Variants in USP54 observed in about 807,000 individuals in gnomAD.
USP54 encodes the protein ubiquitin specific peptidase 54.
A neutral mutation model predicts 170.5 loss-of-function variants in USP54; 87 were observed. The ratio of observed to expected loss-of-function variants is 0.51; its 90% CI spans 0.43 to 0.61. The LOEUF (loss-of-function observed/expected upper bound fraction) is 0.61, where lower values mean the gene tolerates loss of function less well. Ranked by LOEUF, USP54 falls within the 20% of genes least tolerant of loss-of-function variation. USP54 has a pLI of 0.00. For missense variants in USP54, 1,786 were observed against 2,047.8 expected, an observed-to-expected ratio of 0.87 and a Z score of 2.47; for synonymous variants, 655 against 742.8, an observed-to-expected ratio of 0.88 and a Z score of 1.92.
chr10:73,507,331 T>C (rs1016389024), intron 20 of USP54: 2 of 152,086 alleles, frequency 1.3e-5, no homozygotes, highest in Admixed American at 1.3e-4. Flanking sequence ...ATGTGTTTTT[T>C]GGGGTTTTCT....
chr10:73,522,457 T>G (rs76285505), intron 17 of USP54, among the ~76,000 whole-genome samples: 2 of 152,146 alleles, frequency 1.3e-5, no homozygotes, highest in African/African-American at 4.8e-5. Context: ...CCACAGTGTA[T>G]AGAGAACTGA....
chr10:73,540,920 C>T (rs749820472), intron 9 of USP54, among the ~76,000 whole-genome samples: 1 of 152,182 alleles, frequency 6.6e-6, no homozygotes, highest in African/African-American at 2.4e-5. Flanking sequence ...ATTAGTTCCA[C>T]ACTGTGAATT....
chr10:73,519,826 T>C lies in USP54; in HGVS notation c.2649A>G (p.Thr883=), dbSNP rs775498286. ...TTGGCTGAGAGAGAGTCCCCGCCTG[T>C]GTTGGGAGGCAGGCTGAGGGCTGCG... ...QPSQPSACLP[T]QAGTLSQPTS... The change falls in exon 19 of 24, where the codon ACA becomes ACG. Residue 883 remains threonine, a synonymous_variant. Coordinates refer to ENST00000687698, the MANE Select transcript of USP54 (RefSeq NM_001391956.1). 1.2e-6 allele frequency: 2 copies of C among 1,614,002 alleles called. No homozygotes were observed. Among genetic ancestry groups the C allele is most frequent in the South Asian group, 2.2e-5 (2 of 91,080 alleles).
chr10:73,534,967 C>A (rs1223657379), intron 11 of USP54, among the ~76,000 whole-genome samples, 197 bp from the exon 12 acceptor site: 1 of 152,158 alleles, frequency 6.6e-6, no homozygotes, highest in Non-Finnish European at 1.5e-5. Context: ...TAAAATTCCT[C>A]CCATCCCTTT....
At chr10:73,554,865 A>G (rs1361875267) in intron 4 of USP54, among the ~76,000 whole-genome samples, 1 of 152,260 alleles carries the variant, frequency 6.6e-6, no homozygotes, top group Non-Finnish European at 1.5e-5. Context: ...TCATGCCTAT[A>G]ATCCCAGCAC....
Position 73,624,893 on chromosome 10 carries a change from GCA to G in USP54, c.-18+672_-18+673del, listed in dbSNP as rs376051923. On this transcript the variant is annotated intron_variant, in intron 1 of 22. Coordinates refer to the USP54 transcript ENST00000339859. Reference sequence around the variant, plus strand: ...TCTTAAAAGGCAAATAGCTTGATAAGCACACTTTAGGAACACCAGGTTTTACA... The same window carrying G: ...TCTTAAAAGGCAAATAGCTTGATAAGCACTTTAGGAACACCAGGTTTTACA... 1.3e-3 allele frequency among the ~76,000 whole-genome samples: 202 copies of G among 152,194 alleles called. 2 individuals are homozygous for G. The highest frequency in any genetic ancestry group is 4.5e-3 in the African/African-American group (186 of 41,522).
intron 1 of USP54, among the ~76,000 whole-genome samples, chr10:73,596,401 C>CA (rs1028014166): frequency 1.3e-4 from 19 of 151,556 alleles, no homozygotes; most frequent in South Asian, 4.2e-4. Context: ...ACTAAAAATA[C>CA]AAAAAAAATT....
At chr10:73,531,288 CAAA>C (rs767034881) in intron 12 of USP54, among the ~76,000 whole-genome samples, 1 of 97,584 alleles carries the variant, frequency 1.0e-5, no homozygotes. Context: ...AAGACTGTCT[CAAA>C]AAAAAAAAAA....
chr10:73,550,872 C>T (rs191019313), intron 4 of USP54, among the ~76,000 whole-genome samples: 110 of 152,098 alleles, frequency 7.2e-4, no homozygotes, highest in African/African-American at 2.5e-3. Flanking sequence ...TTTGGGAGGC[C>T]GAGGTGGGCG....
intron 12 of USP54, 48 bp downstream of exon 12, chr10:73,534,552 A>C (rs763293653): frequency 1.3e-6 from 2 of 1,591,584 alleles, no homozygotes; most frequent in South Asian, 2.3e-5. Context: ...TAGGAGATCT[A>C]TGCAGGAATT....
Position 73,505,492 on chromosome 10 carries a change from A to G in USP54, c.4052-66T>C, listed in dbSNP as rs1190700089. On this transcript the variant is annotated intron_variant, in intron 20 of 23. Coordinates refer to ENST00000687698, the MANE Select transcript of USP54 (RefSeq NM_001391956.1). ...CCCCTAGGGCCTAACCTCTAAGCCT[A>G]GCAGCACAAACTCAGGAGCTGTTGT... is the stretch of plus-strand genomic sequence containing the variant. 3.9e-6 allele frequency: 5 copies of G among 1,290,196 alleles called. No individual in the cohort carries two copies. In the African/African-American group the frequency reaches 6.0e-5, roughly 15 times the overall value. 79.9% of individuals were successfully genotyped at this position (1,290,196 alleles called of 1,614,324 possible).
intron 1 of USP54, among the ~76,000 whole-genome samples, chr10:73,613,133 T>C (rs923074687): frequency 5.6e-5 from 7 of 124,644 alleles, no homozygotes; most frequent in East Asian, 2.1e-4. Flanking sequence ...TTCCAGCCTC[T>C]TTTTTTTTTT....
intron 4 of USP54, among the ~76,000 whole-genome samples, chr10:73,557,878 C>CTTTTTT (rs765656681): frequency 1.7e-4 from 19 of 114,992 alleles, no homozygotes; most frequent in East Asian, 3.0e-4. Flanking sequence ...AGCTATTATT[C>CTTTTTT]TTTTTTTTTT....
In USP54 at chr10:73,534,707, T is replaced by C. The variant is rs79878576; in HGVS notation, c.1208A>G (p.Lys403Arg). Residue 403 changes from lysine (K) to arginine (R), a missense_variant, in exon 12 of 24, where the codon AAA becomes AGA. Around this residue, in one of 3 missense-constraint regions of USP54, gnomAD observed 1,418 missense variants for 1,569.0 expected, o/e 0.90. Coordinates refer to ENST00000687698, the MANE Select transcript of USP54 (RefSeq NM_001391956.1). ...GACCACAGACTCATGGTGGGAATGT[T>C]TGTAGGGATAGCTCTCCGTTGAGGA... The part of the protein sequence containing the change: ...TDSSTESYPY[K>R]HSHHESVVSH... The C allele has an allele frequency of 5.0e-6, 8 of 1,614,140 alleles. No individual in the cohort carries two copies. The East Asian group carries it at 1.3e-4, about 27-fold the overall frequency.
chr10:73,571,044 A>G (rs1026085197), intron 4 of USP54, among the ~76,000 whole-genome samples: 1 of 148,934 alleles, frequency 6.7e-6, no homozygotes, highest in Non-Finnish European at 1.5e-5. Context: ...AGGCTGAGAC[A>G]GGAGAATTGC....
intron 15 of USP54, 78 bp from the exon 16 acceptor site, chr10:73,526,858 C>CA (rs537234019): frequency 0.057 from 58,675 of 1,029,662 alleles, 19 homozygotes; most frequent in East Asian, 0.074. Context: ...ATCTCTCTCT[C>CA]AAAAAAAAAA....
intron 3 of USP54, among the ~76,000 whole-genome samples, chr10:73,574,663 C>T (rs114221788): frequency 0.012 from 1,890 of 151,854 alleles, 47 homozygotes; most frequent in African/African-American, 0.042. Context: ...TATAATTCCA[C>T]CTACTTGGGT....
intron 1 of USP54, among the ~76,000 whole-genome samples, chr10:73,603,749 A>G (rs1359487959): frequency 6.6e-6 from 1 of 151,384 alleles, no homozygotes; most frequent in Non-Finnish European, 1.5e-5. Context: ...CCCTGTCTCA[A>G]AAACAAAAAC....
chr10:73,516,234 TTCTGAGTAAAG>T lies in USP54; in HGVS notation c.4051+130_4051+140del, dbSNP rs2061052717. ...ATGTCTAGGTCTTGTCCTGAAGGCT[TTCTGAGTAAAG>T]TCAAAAGTTCTATTACCTCCTACTA... On this transcript the variant is annotated intron_variant, in intron 20 of 23. Transcript: ENST00000687698. The T allele has an allele frequency of 2.8e-5, 28 of 982,494 alleles. 1 individual carries two copies. In the South Asian group the frequency reaches 4.8e-4, roughly 17 times the overall value. 60.9% of individuals were successfully genotyped at this position (982,494 alleles called of 1,614,324 possible).
Sources: allele counts gnomAD v4.1 joint callset (sites outside exome capture counted in the v4.1 genomes callset), GRCh38; gene constraint gnomAD v4.1.1; regional missense constraint gnomAD v4.1.1; transcripts MANE v1.5; gene names NCBI Gene and HGNC (gene_info 2026-07-23, HGNC 2026-07-21).